UHRF2: variants seen among roughly 807,000 people sequenced by gnomAD.
UHRF2 encodes the protein E3 ubiquitin-protein ligase UHRF2.
Under a neutral mutation model 96.8 loss-of-function variants are expected in UHRF2, and 23 were observed. The observed-to-expected ratio is 0.24, with a 90% CI of 0.17 to 0.34. The LOEUF is 0.34. Ranked by LOEUF, UHRF2 falls within the 10% of genes least tolerant of loss-of-function variation. The probability of loss-of-function intolerance (pLI) is 1.00; values close to 1 mark genes in which losing one functional copy is unlikely to be tolerated. For synonymous variants in UHRF2, 385 were observed against 332.6 expected (o/e 1.16, Z -1.72); for missense variants, 685 against 981.5 (o/e 0.70, Z 4.04).
In UHRF2 at chr9:6,448,561, A is replaced by C. The variant is rs569975162; in HGVS notation, c.645-12012A>C. ...GATAGAATAATGCCAGACTGTCCTA[A>C]GGGTTGTTATAAGTATATGTGAACG... On this transcript the variant is annotated intron_variant, in intron 3 of 15. Coordinates refer to ENST00000276893, the MANE Select transcript of UHRF2 (RefSeq NM_152896.3). 3.3e-5 allele frequency among the ~76,000 whole-genome samples: 5 copies of C among 152,300 alleles called. No homozygotes were observed. In the East Asian group the frequency reaches 9.7e-4, roughly 29 times the overall value.
intron 4 of UHRF2, chr9:6,468,336 A>G (rs1441446964): frequency 3.8e-5 from 16 of 418,308 alleles, no homozygotes. Flanking sequence ...GTACATGGAA[A>G]GCACCTGTTT....
intron 12 of UHRF2, 167 bp downstream of exon 12, chr9:6,498,325 A>G (rs890039582): frequency 1.1e-5 from 8 of 736,928 alleles, no homozygotes; most frequent in East Asian, 9.6e-5. Flanking sequence ...AAAAGGTAGT[A>G]TCCTAGATGT....
intron 10 of UHRF2, chr9:6,496,168 G>C (rs955236961): frequency 6.6e-6 from 1 of 151,604 alleles, no homozygotes; most frequent in Non-Finnish European, 1.5e-5. Flanking sequence ...TTTTTAACTT[G>C]AGCCTGCATA....
At chr9:6,462,277 C>G (rs968603233) in intron 4 of UHRF2, among the ~76,000 whole-genome samples, 12 of 131,998 alleles carry the variant, frequency 9.1e-5, no homozygotes, top group Admixed American at 2.5e-4. Flanking sequence ...GCCAAAACTA[C>G]TTACTTTCTG....
chr9:6,469,713 CACAT>C (rs575426893), intron 4 of UHRF2, among the ~76,000 whole-genome samples: 363 of 148,832 alleles, frequency 2.4e-3, no homozygotes, highest in Non-Finnish European at 2.9e-3. Flanking sequence ...TACATATACA[CACAT>C]ATATGTGCAT....
At position 6,477,586 on chromosome 9, in the gene UHRF2, T is replaced by C. The variant is rs1277574879; in HGVS notation, c.974-36T>C. Reference sequence around the variant, plus strand: ...GAGATTCATAGATATAAAAAATGTTTTAAGACTAGACTTGCTATAATTTTG... The same window carrying C: ...GAGATTCATAGATATAAAAAATGTTCTAAGACTAGACTTGCTATAATTTTG... On this transcript the variant is annotated intron_variant, in intron 5 of 15. Coordinates refer to ENST00000276893, the MANE Select transcript of UHRF2 (RefSeq NM_152896.3). 3 of 1,537,632 alleles carry C rather than the reference T, an allele frequency of 2.0e-6. No individual in the cohort carries two copies. In the South Asian group the frequency reaches 3.7e-5, roughly 19 times the overall value.
At chr9:6,427,760 A>G (rs1820341466) in intron 2 of UHRF2, among the ~76,000 whole-genome samples, 1 of 152,200 alleles carries the variant, frequency 6.6e-6, no homozygotes, top group East Asian at 1.9e-4. Context: ...ACTGAGCAAT[A>G]TTTAACCAGT....
At chr9:6,470,358 C>CAA (rs35859975) in intron 4 of UHRF2, among the ~76,000 whole-genome samples, 7 of 94,626 alleles carry the variant, frequency 7.4e-5, no homozygotes, top group Non-Finnish European at 1.1e-4. Flanking sequence ...GACTCCATCT[C>CAA]AAAAAAAAAA....
intron 2 of UHRF2, among the ~76,000 whole-genome samples, chr9:6,426,109 A>T (rs977500798): frequency 6.6e-6 from 1 of 152,208 alleles, no homozygotes; most frequent in Non-Finnish European, 1.5e-5. Flanking sequence ...CTGTTTAGCA[A>T]ACTTCTCAAT....
intron 3 of UHRF2, among the ~76,000 whole-genome samples, chr9:6,442,536 T>G (rs950689161): frequency 6.6e-6 from 1 of 152,116 alleles, no homozygotes; most frequent in African/African-American, 2.4e-5. Context: ...TGAAATGCAG[T>G]GGCACAAACA....
rs930849043 is a variant in UHRF2, at chr9:6,449,077, A to G, written c.645-11496A>G. ...TATTTTGAAGCAAGTCCTGAACCTT[A>G]TATGATTTCCATTGCAAATGGCCTC... is the stretch of plus-strand genomic sequence containing the variant. On this transcript the variant is annotated intron_variant, in intron 3 of 15. Transcript: ENST00000276893. Among the ~76,000 whole-genome samples, 7 of 152,144 alleles carry G rather than the reference A, an allele frequency of 4.6e-5. No homozygotes were observed. The South Asian group carries it at 6.2e-4, about 14-fold the overall frequency.
At chr9:6,485,824 A>C (rs867117926) in intron 8 of UHRF2, among the ~76,000 whole-genome samples, 111 of 145,992 alleles carry the variant, frequency 7.6e-4, no homozygotes, top group Admixed American at 2.4e-3. Context: ...AAAAAAAAAA[A>C]AAAACAAAAC....
At chr9:6,435,828 C>T (rs1416250440) in intron 3 of UHRF2, among the ~76,000 whole-genome samples, 1 of 151,848 alleles carries the variant, frequency 6.6e-6, no homozygotes, top group Non-Finnish European at 1.5e-5. Context: ...ACGGTGGTCT[C>T]GAACTCCTGA....
chr9:6,434,343 G>C, intron 3 of UHRF2, 170 bp downstream of exon 3: 1 of 694,394 alleles, frequency 1.4e-6, no homozygotes, highest in Non-Finnish European at 2.3e-6. Flanking sequence ...GGTCCTTTTA[G>C]CTCTCGATTA....
intron 2 of UHRF2, among the ~76,000 whole-genome samples, chr9:6,424,483 A>G (rs1820126337): frequency 6.6e-6 from 1 of 152,154 alleles, no homozygotes; most frequent in Non-Finnish European, 1.5e-5. Context: ...TTTTTACATT[A>G]TTACTTTTTT....
At chr9:6,475,999 T>G (rs1218884731) in intron 5 of UHRF2, among the ~76,000 whole-genome samples, 1 of 152,232 alleles carries the variant, frequency 6.6e-6, no homozygotes, top group Non-Finnish European at 1.5e-5. Flanking sequence ...ACTGTATCTT[T>G]GCACCCTATA....
rs184275168 is a variant in UHRF2, at chr9:6,504,881, A to G, written c.2262+190A>G. ...ATTAGATAGTGATAATAATTCAAAT[A>G]TGTGTCATTTGAGATATTCTATCAT... On this transcript the variant is annotated intron_variant, in intron 15 of 15. Coordinates refer to ENST00000276893, the MANE Select transcript of UHRF2 (RefSeq NM_152896.3). Among the ~76,000 whole-genome samples, 31 of 152,294 alleles carry G rather than the reference A, an allele frequency of 2.0e-4. 1 individual carries two copies. The highest frequency in any genetic ancestry group is 1.7e-3 in the Admixed American group (26 of 15,296).
intron 10 of UHRF2, chr9:6,494,632 G>C (rs947939610): frequency 3.3e-5 from 5 of 152,238 alleles, no homozygotes; most frequent in Non-Finnish European, 7.4e-5. Flanking sequence ...CAGACCACCA[G>C]ATAGCAAAAA....
chr9:6,490,751 A>C (rs1490473547), intron 9 of UHRF2, among the ~76,000 whole-genome samples: 1 of 152,224 alleles, frequency 6.6e-6, no homozygotes, highest in East Asian at 1.9e-4. Context: ...TGAACTGCTA[A>C]TTGTCTTAGT....
Sources: gnomAD v4.1 joint callset for allele counts (sites outside exome capture counted in the v4.1 genomes callset) on GRCh38, gnomAD v4.1.1 for gene constraint, MANE v1.5 for transcripts, NCBI Gene and HGNC (gene_info 2026-07-23, HGNC 2026-07-21) for gene names.